Variants in ABHD3 observed in about 807,000 individuals in gnomAD.
The protein encoded by ABHD3 is abhydrolase domain containing 3, phospholipase.
ABHD3 carries 46 observed loss-of-function variants against 48.8 expected under a neutral mutation model. That is an observed-to-expected ratio of 0.94 (90% CI 0.74 to 1.20). The LOEUF (loss-of-function observed/expected upper bound fraction) is 1.20. Among genes scored for constraint, ABHD3 ranks in the 50% most tolerant of loss-of-function variants. The pLI, the probability that ABHD3 is intolerant of heterozygous loss-of-function variation, is 0.00. For missense variants in ABHD3, 490 were observed against 497.8 expected (o/e 0.98, Z 0.15); for synonymous variants, 192 against 183.7 (o/e 1.04, Z -0.36).
chr18:21,696,755 T>TGG (rs11442722), intron 3 of ABHD3, among the ~76,000 whole-genome samples: 1 of 151,558 alleles, frequency 6.6e-6, no homozygotes, highest in African/African-American at 2.4e-5. Context: ...TTGGTAGAAA[T>TGG]GGGGGGTCTC....
chr18:21,699,385 G>C (rs563539509), intron 3 of ABHD3, among the ~76,000 whole-genome samples: 1 of 152,254 alleles, frequency 6.6e-6, no homozygotes, highest in South Asian at 2.1e-4. Flanking sequence ...CACAAACCCT[G>C]TTATCTGCTA....
In ABHD3 at chr18:21,704,538, G is replaced by A. The variant is rs760540749; in HGVS notation, c.128C>T (p.Ala43Val). The change falls in exon 1 of 9, where the codon GCT becomes GTT. Residue 43 changes from alanine (A) to valine (V), a missense_variant. By Grantham distance (64) the Ala-to-Val change is moderately conservative (BLOSUM62 0). Coordinates refer to ENST00000289119, the MANE Select transcript of ABHD3 (RefSeq NM_138340.5). ...GCTGCTCAGGTAGTAGAAGGCATAAGCGACGCTGAAGCCCAGGATAAGGGA... is the reference window on the plus strand; with the variant it reads ...GCTGCTCAGGTAGTAGAAGGCATAAACGACGCTGAAGCCCAGGATAAGGGA... ...GLSLILGFSV[A>V]YAFYYLSSIA... is the part of the protein sequence containing the mutation. 4 of 1,511,912 alleles carry A rather than the reference G, an allele frequency of 2.6e-6. No homozygotes were observed. The highest frequency in any genetic ancestry group is 2.8e-5 in the East Asian group (1 of 35,938). The allele number at this position is 1,511,912 out of a possible 1,614,324, so 93.7% of individuals were successfully genotyped here.
At chr18:21,660,662 CT>C (rs1233343570) in intron 5 of ABHD3, among the ~76,000 whole-genome samples, 2 of 152,040 alleles carry the variant, frequency 1.3e-5, no homozygotes, top group Non-Finnish European at 2.9e-5. Context: ...AAAATTCCCC[CT>C]CATTCTTTTT....
chr18:21,700,407 AT>A (rs1456851435), intron 3 of ABHD3, among the ~76,000 whole-genome samples: 1 of 129,270 alleles, frequency 7.7e-6, no homozygotes, highest in African/African-American at 3.0e-5. Context: ...TTTTGTTTTT[AT>A]TTTTTTTGAG....
chr18:21,675,136 G>A (rs2039848229), intron 4 of ABHD3, among the ~76,000 whole-genome samples: 1 of 152,032 alleles, frequency 6.6e-6, no homozygotes, highest in African/African-American at 2.4e-5. Flanking sequence ...CTGGAAGCCA[G>A]TACTGAAAGG....
chr18:21,704,740 C>A lies in ABHD3; in HGVS notation c.-75G>T. 3 of 1,285,678 alleles carry A rather than the reference C, an allele frequency of 2.3e-6. No individual in the cohort carries two copies. Among genetic ancestry groups the A allele is most frequent in the Non-Finnish European group, 3.0e-6 (3 of 1,001,194 alleles). 79.6% of individuals were successfully genotyped at this position (1,285,678 alleles called of 1,614,324 possible). A position where few individuals can be genotyped will look rare whatever the true frequency, so the allele number is the denominator to read the frequency against. ...GCGAGCGGGCGAGAGCGGGCGAGAG[C>A]GGACGCGGCGCCGCTGCCTACTCCC... On this transcript the variant is annotated 5_prime_UTR_variant, in exon 1 of 9. Transcript: ENST00000289119.
chr18:21,696,318 A>T (rs1312577039), intron 3 of ABHD3, among the ~76,000 whole-genome samples: 3 of 151,956 alleles, frequency 2.0e-5, no homozygotes, highest in Non-Finnish European at 1.5e-5. Context: ...TAGTTTTTTT[A>T]AAAAATATTT....
intron 3 of ABHD3, among the ~76,000 whole-genome samples, chr18:21,684,742 T>C (rs2040092762): frequency 2.0e-5 from 3 of 152,160 alleles, no homozygotes; most frequent in African/African-American, 4.8e-5. Context: ...TCAGCAAACA[T>C]GGACACCAGA....
chr18:21,701,015 T>C (rs1422079638), intron 3 of ABHD3, among the ~76,000 whole-genome samples: 3 of 147,404 alleles, frequency 2.0e-5, no homozygotes, highest in Non-Finnish European at 4.5e-5. Context: ...TGCTTAAACA[T>C]GGAATAATGA....
At chr18:21,653,715 A>C (rs2146275618) in intron 8 of ABHD3, among the ~76,000 whole-genome samples, 2 of 143,184 alleles carry the variant, frequency 1.4e-5, no homozygotes, top group East Asian at 4.1e-4. Context: ...AGCGAGACTG[A>C]CCGTGTCTTT....
intron 3 of ABHD3, among the ~76,000 whole-genome samples, chr18:21,686,249 A>G (rs1462727125): frequency 1.3e-5 from 2 of 152,262 alleles, no homozygotes; most frequent in African/African-American, 4.8e-5. Flanking sequence ...CTTGATATAA[A>G]TAAGATTTCA....
intron 3 of ABHD3, among the ~76,000 whole-genome samples, chr18:21,699,902 T>A (rs908314100): frequency 6.6e-6 from 1 of 152,078 alleles, no homozygotes; most frequent in Non-Finnish European, 1.5e-5. Context: ...AGTCTCGAAC[T>A]CCTGACCTTG....
At chr18:21,669,589 C>T (rs1163346168) in intron 4 of ABHD3, among the ~76,000 whole-genome samples, 1 of 152,178 alleles carries the variant, frequency 6.6e-6, no homozygotes, top group Non-Finnish European at 1.5e-5. Context: ...TTCAAATTTC[C>T]AAGTTCCAGC....
intron 3 of ABHD3, among the ~76,000 whole-genome samples, chr18:21,691,629 G>A (rs2146328341): frequency 6.6e-6 from 1 of 152,176 alleles, no homozygotes; most frequent in East Asian, 1.9e-4. Context: ...GGAGAACACT[G>A]AAAGTCAATT....
rs1040517492 is a variant in ABHD3, at chr18:21,651,447, A to T, written c.*144T>A. On this transcript the variant is annotated 3_prime_UTR_variant, in exon 9 of 9. Transcript: ENST00000289119. ...GCTACAAAGTTGTTTTGTTTCTCTA[A>T]AAAGTAGTTTTTGCATATCATTCTG... is the stretch of plus-strand genomic sequence containing the variant. 3 of 855,608 alleles carry T rather than the reference A, an allele frequency of 3.5e-6. No homozygotes were observed. Among genetic ancestry groups the T allele is most frequent in the African/African-American group, 3.5e-5 (2 of 57,256 alleles). The allele number at this position is 855,608 out of a possible 1,614,324, so 53.0% of individuals were successfully genotyped here. A position where few individuals can be genotyped will look rare whatever the true frequency, so the allele number is the denominator to read the frequency against.
chr18:21,673,850 C>T (rs1284248124), intron 4 of ABHD3, among the ~76,000 whole-genome samples: 1 of 152,156 alleles, frequency 6.6e-6, no homozygotes, highest in Non-Finnish European at 1.5e-5. Context: ...ATGCAATCCA[C>T]CCGCCTCGGC....
At chr18:21,672,889 T>C (rs1369359062) in intron 4 of ABHD3, among the ~76,000 whole-genome samples, 1 of 152,186 alleles carries the variant, frequency 6.6e-6, no homozygotes, top group Non-Finnish European at 1.5e-5. Context: ...CCTGGGAGTT[T>C]GCTAATTTTA....
rs2039215220 is a variant in ABHD3, at chr18:21,651,263, TTTAAA to T, written c.*323_*327del. 3 of 171,802 alleles carry T rather than the reference TTTAAA, an allele frequency of 1.7e-5. No homozygotes were observed. In the South Asian group the frequency reaches 5.1e-4, roughly 29 times the overall value. 10.6% of individuals were successfully genotyped at this position (171,802 alleles called of 1,614,324 possible). A position where few individuals can be genotyped will look rare whatever the true frequency, so the allele number is the denominator to read the frequency against. On this transcript the variant is annotated 3_prime_UTR_variant, in exon 9 of 9. Coordinates refer to ENST00000289119, the MANE Select transcript of ABHD3 (RefSeq NM_138340.5). ...AACAAATAATCTAAAAAAATACTAGTTTAAATTAAAACCCTGAGGAATTAAAATTT... is the reference window on the plus strand; with the variant it reads ...AACAAATAATCTAAAAAAATACTAGTTTAAAACCCTGAGGAATTAAAATTT...
At chr18:21,694,843 C>T (rs1032084998) in intron 3 of ABHD3, among the ~76,000 whole-genome samples, 2 of 152,070 alleles carry the variant, frequency 1.3e-5, no homozygotes, top group African/African-American at 4.8e-5. Flanking sequence ...TGTGACACCG[C>T]TGATCTACTC....
Sources: allele counts gnomAD v4.1 joint callset (sites outside exome capture counted in the v4.1 genomes callset), GRCh38; gene constraint gnomAD v4.1.1; transcripts MANE v1.5; gene names NCBI Gene and HGNC (gene_info 2026-07-23, HGNC 2026-07-21).